The following SYNPO2 variants were observed in gnomAD, a reference collection of about 807,000 sequenced individuals.
The protein encoded by SYNPO2 is synaptopodin-2.
In SYNPO2, 56 loss-of-function variants were observed where a neutral mutation model predicts 85.0. The ratio of observed to expected loss-of-function variants is 0.66; its 90% CI spans 0.53 to 0.82. The LOEUF (loss-of-function observed/expected upper bound fraction) is 0.82. Ranked by LOEUF, SYNPO2 falls within the 40% of genes least tolerant of loss-of-function variation. The probability of loss-of-function intolerance (pLI) is 0.00; values close to 1 mark genes in which losing one functional copy is unlikely to be tolerated. For missense variants in SYNPO2, 1,575 were observed against 1,534.2 expected, an observed-to-expected ratio of 1.03 and a Z score of -0.44; for synonymous variants, 602 against 591.1, an observed-to-expected ratio of 1.02 and a Z score of -0.27.
At chr4:119,040,851 A>G (rs1337965405) in intron 4 of SYNPO2, among the ~76,000 whole-genome samples, 1 of 152,212 alleles carries the variant, frequency 6.6e-6, no homozygotes, top group Non-Finnish European at 1.5e-5. Flanking sequence ...AGCTGTCCTT[A>G]TCCCTCCTTT....
Position 119,031,866 on chromosome 4 carries a change from A to T in SYNPO2, c.3091A>T (p.Thr1031Ser). The T allele has an allele frequency of 6.2e-7, 1 of 1,614,036 alleles. No individual in the cohort carries two copies. The highest frequency in any genetic ancestry group is 1.1e-5 in the South Asian group (1 of 91,076). ...ASSVYSVPAY[T>S]SPPSFFAEAS... ...GTCAGTGTACTCGGTACCAGCCTAT[A>T]CCTCTCCTCCTTCCTTCTTTGCAGA... is the stretch of plus-strand genomic sequence containing the variant. The change falls in exon 4 of 5, where the codon ACC becomes TCC. Residue 1031 changes from threonine to serine, a missense_variant. Physicochemically the swap from Thr to Ser is moderately conservative, Grantham distance 58. Transcript: ENST00000307142.
chr4:118,887,166 A>AGAGTGTGTGTGTGT (rs57115153), upstream of SYNPO2, among the ~76,000 whole-genome samples: 90 of 139,144 alleles, frequency 6.5e-4, no homozygotes, highest in Middle Eastern at 3.6e-3. Flanking sequence ...CATCTGAGTG[A>AGAGTGTGTGTGTGT]GTGTGTGTGT....
rs138411873 is a variant in SYNPO2 at position 118,993,044 on chromosome 4, G to C, written c.106-30386G>C. ...AAAACTACTCAAACCAAGCAGAGTC[G>C]ATCTGCAAGATAATAAGAGTAGATA... is the stretch of plus-strand genomic sequence containing the variant. On this transcript the variant is annotated intron_variant, in intron 1 of 4. Coordinates refer to ENST00000307142, the MANE Select transcript of SYNPO2 (RefSeq NM_133477.3). Among the ~76,000 whole-genome samples, 240 of 152,276 alleles carry C rather than the reference G, an allele frequency of 1.6e-3. 1 individual carries two copies. Among genetic ancestry groups the C allele is most frequent in the African/African-American group, 5.4e-3 (226 of 41,560 alleles).
chr4:118,880,023 C>T (rs1163073030), intron 1 of SYNPO2, among the ~76,000 whole-genome samples: 3 of 152,168 alleles, frequency 2.0e-5, no homozygotes, highest in Non-Finnish European at 4.4e-5. Flanking sequence ...TCTTTCCTCT[C>T]CCTCTGAGAC....
intron 4 of SYNPO2, chr4:119,037,263 G>A: frequency 1.4e-6 from 2 of 1,451,282 alleles, no homozygotes; most frequent in South Asian, 1.5e-5. Context: ...CCTATTTCTT[G>A]GGCTCCTTAA....
intron 1 of SYNPO2, among the ~76,000 whole-genome samples, chr4:118,927,060 C>G (rs1428880469): frequency 6.6e-6 from 1 of 152,158 alleles, no homozygotes; most frequent in African/African-American, 2.4e-5. Flanking sequence ...AGCTGTCCTC[C>G]TGTATCACCT....
rs1055855298 is a variant in SYNPO2, at chr4:118,921,618, G to C, written c.105+32477G>C. On this transcript the variant is annotated intron_variant, in intron 1 of 4. Transcript: ENST00000307142. ...AATGATAATAATTAAAAAACCCTTCGATGCTTCCCCACTCCCTCCATAGCA... is the reference window on the plus strand; with the variant it reads ...AATGATAATAATTAAAAAACCCTTCCATGCTTCCCCACTCCCTCCATAGCA... Among the ~76,000 whole-genome samples, 4 of 151,962 alleles carry C rather than the reference G, an allele frequency of 2.6e-5. No homozygotes were observed. The South Asian group carries it at 8.3e-4, about 32-fold the overall frequency.
At chr4:118,978,656 A>G (rs983064040) in intron 1 of SYNPO2, among the ~76,000 whole-genome samples, 1 of 152,206 alleles carries the variant, frequency 6.6e-6, no homozygotes, top group African/African-American at 2.4e-5. Flanking sequence ...GGTAATGATT[A>G]TCAGTGCCCA....
At chr4:118,858,473 T>C (rs1174969095) in intron 1 of SYNPO2, among the ~76,000 whole-genome samples, 1 of 152,230 alleles carries the variant, frequency 6.6e-6, no homozygotes, top group Non-Finnish European at 1.5e-5. Context: ...AGATTTTATG[T>C]GTTTCTAGCC....
intron 1 of SYNPO2, among the ~76,000 whole-genome samples, chr4:118,860,187 A>T (rs1731584117): frequency 6.6e-6 from 1 of 152,074 alleles, no homozygotes. Context: ...TTTTCACGCC[A>T]TTTGTATGTC....
Position 119,031,263 on chromosome 4 carries a change from G to A in SYNPO2, c.2488G>A (p.Gly830Arg). 1 of 1,614,108 alleles carries A rather than the reference G, an allele frequency of 6.2e-7. No homozygotes were observed. Among genetic ancestry groups the A allele is most frequent in the Non-Finnish European group, 8.5e-7 (1 of 1,180,020 alleles). Reference sequence around the variant, plus strand: ...TTTGAACGTGGCTGGTCCCTTCAAAGGACCACAAGCAGCAGTAGCCAGTCA... The same window carrying A: ...TTTGAACGTGGCTGGTCCCTTCAAAAGACCACAAGCAGCAGTAGCCAGTCA... ...STLNVAGPFK[G>R]PQAAVASQNY... Residue 830 changes from glycine to arginine, a missense_variant, in exon 4 of 5, where the codon GGA becomes AGA. This residue lies in a region of SYNPO2 where 1,508 missense variants were observed against 1,446.8 expected (regional missense o/e 1.04). Coordinates refer to ENST00000307142, the MANE Select transcript of SYNPO2 (RefSeq NM_133477.3).
chr4:119,048,653 C>G (rs543180044), intron 4 of SYNPO2, among the ~76,000 whole-genome samples: 6 of 152,228 alleles, frequency 3.9e-5, no homozygotes, highest in Non-Finnish European at 8.8e-5. Flanking sequence ...AGGAGTCATG[C>G]TGGTACCTGG....
chr4:118,882,704 T>A (rs556037139), intron 1 of SYNPO2, among the ~76,000 whole-genome samples: 1 of 152,096 alleles, frequency 6.6e-6, no homozygotes, highest in Non-Finnish European at 1.5e-5. Flanking sequence ...ATACATGGGG[T>A]TTTTACTTGT....
At chr4:118,972,325 T>C (rs1228452958) in intron 1 of SYNPO2, among the ~76,000 whole-genome samples, 1 of 151,950 alleles carries the variant, frequency 6.6e-6, no homozygotes, top group Admixed American at 6.6e-5. Context: ...GTGCCTGTAG[T>C]CCCAGCTACT....
intron 1 of SYNPO2, among the ~76,000 whole-genome samples, chr4:118,946,665 C>T (rs372244286): frequency 2.0e-3 from 302 of 152,228 alleles, no homozygotes; most frequent in African/African-American, 7.0e-3. Flanking sequence ...AGAATTGGTA[C>T]ATTTATGTCT....
intron 4 of SYNPO2, among the ~76,000 whole-genome samples, chr4:119,050,039 A>AT (rs542315036): frequency 7.1e-4 from 108 of 152,144 alleles, no homozygotes; most frequent in Non-Finnish European, 1.4e-3. Flanking sequence ...TTTAAAAAAA[A>AT]GATGTTCTCA....
intron 1 of SYNPO2, among the ~76,000 whole-genome samples, chr4:118,871,700 C>T (rs1448119684): frequency 6.6e-6 from 1 of 151,976 alleles, no homozygotes; most frequent in Non-Finnish European, 1.5e-5. Context: ...TCCCGAGTTG[C>T]TGGGACTACA....
At chr4:119,040,571 A>G (rs1224402490) in intron 4 of SYNPO2, among the ~76,000 whole-genome samples, 1 of 152,244 alleles carries the variant, frequency 6.6e-6, no homozygotes, top group Non-Finnish European at 1.5e-5. Context: ...AGCCTCTACT[A>G]TAAAGACACT....
chr4:118,889,257 C>A, intron 1 of SYNPO2, 116 bp downstream of exon 1: 1 of 971,922 alleles, frequency 1.0e-6, no homozygotes, highest in Non-Finnish European at 1.5e-6. Flanking sequence ...GATTTTGCTG[C>A]GGATATTAAG....
Sources: allele counts gnomAD v4.1 joint callset (sites outside exome capture counted in the v4.1 genomes callset), GRCh38; gene constraint gnomAD v4.1.1; regional missense constraint gnomAD v4.1.1; transcripts MANE v1.5; gene names NCBI Gene and HGNC (gene_info 2026-07-23, HGNC 2026-07-21).